Variants in CTNNA2 observed in about 807,000 individuals in gnomAD.
The protein encoded by CTNNA2 is catenin alpha 2.
In CTNNA2, 42 loss-of-function variants were observed where a neutral mutation model predicts 101.0. That is an observed-to-expected ratio of 0.42 (90% CI 0.32 to 0.54). CTNNA2 has a LOEUF of 0.54. Among genes scored for constraint, CTNNA2 ranks in the 20% least tolerant of loss-of-function variants. The probability of loss-of-function intolerance (pLI) is 0.14; values close to 1 mark genes in which losing one functional copy is unlikely to be tolerated. For missense variants in CTNNA2, 871 were observed against 1,223.1 expected (o/e 0.71, Z 4.29); for synonymous variants, 450 against 456.4 (o/e 0.99, Z 0.18).
In CTNNA2 at chr2:80,377,904, C is replaced by CCA. The variant is rs540058528; in HGVS notation, c.1057-15306_1057-15305insAC. 2.0e-4 allele frequency among the ~76,000 whole-genome samples: 30 copies of CCA among 152,262 alleles called. No homozygotes were observed. The East Asian group carries it at 5.0e-3, about 25-fold the overall frequency. On this transcript the variant is annotated intron_variant, in intron 7 of 18. Coordinates refer to ENST00000402739, the MANE Select transcript of CTNNA2 (RefSeq NM_001282597.3). Reference sequence around the variant, plus strand: ...TCATCTGTGGCCAGAGGAAACTTGGCCTTAACATTCTTTGACTCCCAAGTC... The same window carrying CCA: ...TCATCTGTGGCCAGAGGAAACTTGGCCACTTAACATTCTTTGACTCCCAAGTC...
intron 8 of CTNNA2, among the ~76,000 whole-genome samples, chr2:80,416,786 G>T (rs958908373): frequency 3.3e-5 from 5 of 151,602 alleles, no homozygotes; most frequent in Admixed American, 6.6e-5. Context: ...GATAGGAAAA[G>T]GTCATGAGAA....
chr2:79,735,819 A>G (rs1215750643), intron 2 of CTNNA2, among the ~76,000 whole-genome samples: 2 of 152,174 alleles, frequency 1.3e-5, no homozygotes, highest in African/African-American at 4.8e-5. Flanking sequence ...TCTGAATTCT[A>G]TGCAGTTACT....
At chr2:79,642,421 C>T (rs1476084151) in intron 1 of CTNNA2, among the ~76,000 whole-genome samples, 5 of 152,206 alleles carry the variant, frequency 3.3e-5, no homozygotes, top group African/African-American at 1.2e-4. Flanking sequence ...CCTGTAATTA[C>T]AGCAGCAGCT....
In CTNNA2 at chr2:80,633,718, A is replaced by G. The variant is rs536154245; in HGVS notation, c.2575-13867A>G. ...TTTTCTCATATATAAAGCAGCAATG[A>G]TGGTATTCAACTTGTACATGTTATG... On this transcript the variant is annotated intron_variant, in intron 18 of 18. Coordinates refer to ENST00000402739, the MANE Select transcript of CTNNA2 (RefSeq NM_001282597.3). Among the ~76,000 whole-genome samples, 6 of 152,318 alleles carry G rather than the reference A, an allele frequency of 3.9e-5. 2 individuals are homozygous for G. The highest frequency in any genetic ancestry group is 1.4e-4 in the African/African-American group (6 of 41,572).
intron 3 of CTNNA2, among the ~76,000 whole-genome samples, chr2:79,745,520 G>A (rs1350150339): frequency 6.6e-6 from 1 of 152,036 alleles, no homozygotes; most frequent in Non-Finnish European, 1.5e-5. Flanking sequence ...ATATCGTTGA[G>A]CAAGCAATCT....
intron 4 of CTNNA2, among the ~76,000 whole-genome samples, chr2:79,409,329 T>C (rs1219686754): frequency 6.6e-6 from 1 of 152,124 alleles, no homozygotes; most frequent in Non-Finnish European, 1.5e-5. Context: ...CAATTTTGTC[T>C]TTTGTTGCCA....
chr2:79,637,670 T>G (rs1406457159), intron 1 of CTNNA2, among the ~76,000 whole-genome samples: 1 of 152,226 alleles, frequency 6.6e-6, no homozygotes, highest in Non-Finnish European at 1.5e-5. Context: ...AAACAATACC[T>G]TAAGGATTTA....
At chr2:80,306,126 G>T (rs569888049) in intron 7 of CTNNA2, among the ~76,000 whole-genome samples, 17 of 152,212 alleles carry the variant, frequency 1.1e-4, no homozygotes, top group African/African-American at 3.9e-4. Context: ...ATGAACAGGG[G>T]CATGAATCAT....
intron 17 of CTNNA2, 121 bp downstream of exon 17, chr2:80,608,439 TTAAA>T: frequency 9.8e-7 from 1 of 1,018,250 alleles, no homozygotes; most frequent in Non-Finnish European, 1.4e-6. Context: ...AGGGCTTTTT[TTAAA>T]TAAATGTTAT....
intron 2 of CTNNA2, among the ~76,000 whole-genome samples, chr2:79,654,899 G>T (rs186156958): frequency 6.6e-6 from 1 of 152,026 alleles, no homozygotes; most frequent in Non-Finnish European, 1.5e-5. Context: ...AATTTTTTAT[G>T]GTCTGCAGTA....
At chr2:80,003,803 T>A (rs529567622) in intron 7 of CTNNA2, among the ~76,000 whole-genome samples, 1 of 152,160 alleles carries the variant, frequency 6.6e-6, no homozygotes, top group African/African-American at 2.4e-5. Context: ...ATAATATTGA[T>A]CCTGGCTTCT....
intron 7 of CTNNA2, among the ~76,000 whole-genome samples, chr2:80,040,680 G>T (rs536574419): frequency 5.9e-5 from 9 of 152,196 alleles, no homozygotes; most frequent in Non-Finnish European, 1.3e-4. Flanking sequence ...CAGGCCAGCA[G>T]AGGGTCAGGA....
intron 7 of CTNNA2, among the ~76,000 whole-genome samples, chr2:80,095,509 T>C (rs1407744803): frequency 6.6e-6 from 1 of 152,248 alleles, no homozygotes; most frequent in African/African-American, 2.4e-5. Flanking sequence ...AGGATGATGC[T>C]GGCCTCATCA....
chr2:80,122,199 G>A (rs527491693), intron 7 of CTNNA2, among the ~76,000 whole-genome samples: 20 of 147,844 alleles, frequency 1.4e-4, no homozygotes, highest in South Asian at 4.3e-4. Flanking sequence ...TCTCTCCCCC[G>A]TCCTGTTTCT....
intron 7 of CTNNA2, among the ~76,000 whole-genome samples, chr2:80,104,947 A>G (rs552280038): frequency 2.2e-4 from 33 of 152,310 alleles, no homozygotes; most frequent in African/African-American, 7.7e-4. Flanking sequence ...GTGACCTAAA[A>G]TTTCAATGAT....
At chr2:80,173,648 T>C in intron 7 of CTNNA2, among the ~76,000 whole-genome samples, 1 of 152,170 alleles carries the variant, frequency 6.6e-6, no homozygotes, top group Non-Finnish European at 1.5e-5. Flanking sequence ...TGGGTTGGCC[T>C]GTATGCTCCA....
intron 7 of CTNNA2, among the ~76,000 whole-genome samples, chr2:80,121,107 G>A (rs542598194): frequency 1.3e-5 from 2 of 152,288 alleles, no homozygotes; most frequent in African/African-American, 2.4e-5. Flanking sequence ...AGGCTAGACT[G>A]CTTTTAAAGC....
At chr2:79,776,513 G>C (rs903755168) in intron 3 of CTNNA2, among the ~76,000 whole-genome samples, 3 of 152,074 alleles carry the variant, frequency 2.0e-5, no homozygotes, top group Non-Finnish European at 4.4e-5. Context: ...CAATCACTTA[G>C]ACAATTAGGA....
At chr2:80,618,210 C>T (rs547863818) in intron 17 of CTNNA2, among the ~76,000 whole-genome samples, 6 of 151,896 alleles carry the variant, frequency 4.0e-5, no homozygotes, top group Non-Finnish European at 7.4e-5. Flanking sequence ...GAGCAGAAAT[C>T]GTCCATGACA....
Sources: gnomAD v4.1 joint callset for allele counts (sites outside exome capture counted in the v4.1 genomes callset) on GRCh38, gnomAD v4.1.1 for gene constraint, MANE v1.5 for transcripts, NCBI Gene and HGNC (gene_info 2026-07-23, HGNC 2026-07-21) for gene names.